CNTNAP2: variants seen among roughly 807,000 people sequenced by gnomAD.
CNTNAP2 encodes contactin associated protein 2.
A neutral mutation model predicts 155.2 loss-of-function variants in CNTNAP2; 98 were observed. The observed-to-expected ratio is 0.63, with a 90% CI of 0.54 to 0.75. The LOEUF is 0.75. CNTNAP2 is among the 30% of genes least tolerant of loss of function. CNTNAP2 has a pLI of 0.00. For synonymous variants in CNTNAP2, 651 were observed against 631.2 expected (o/e 1.03, Z -0.47); for missense variants, 1,727 against 1,688.1 (o/e 1.02, Z -0.40).
intron 4 of CNTNAP2, among the ~76,000 whole-genome samples, chr7:147,072,055 A>G (rs1217275945): frequency 6.6e-6 from 1 of 152,126 alleles, no homozygotes; most frequent in East Asian, 1.9e-4. Flanking sequence ...TCTCAAGGTA[A>G]TAGAAGCCAA....
Position 147,956,077 on chromosome 7 carries a change from G to C in CNTNAP2, c.2256-21785G>C, listed in dbSNP as rs1269201979. On this transcript the variant is annotated intron_variant, in intron 14 of 23. Coordinates refer to ENST00000361727, the MANE Select transcript of CNTNAP2 (RefSeq NM_014141.6). ...CTTAGCCTACTTAGCTACTTGCTTT[G>C]CTCATATATACCAGTTCTTTCAACT... 2.0e-5 allele frequency among the ~76,000 whole-genome samples: 3 copies of C among 152,096 alleles called. No homozygotes were observed. The East Asian group carries it at 5.8e-4, about 29-fold the overall frequency.
intron 1 of CNTNAP2, among the ~76,000 whole-genome samples, chr7:146,587,051 A>G (rs1798703559): frequency 6.6e-6 from 1 of 151,762 alleles, no homozygotes; most frequent in South Asian, 2.1e-4. Flanking sequence ...TTTTTTAACA[A>G]ACTCATTGCT....
rs575621795 is a variant in CNTNAP2 at position 147,285,546 on chromosome 7, G to C, written c.1349-14595G>C. Among the ~76,000 whole-genome samples, 6 of 151,906 alleles carry C rather than the reference G, an allele frequency of 3.9e-5. No homozygotes were observed. In the East Asian group the frequency reaches 1.2e-3, roughly 29 times the overall value. On this transcript the variant is annotated intron_variant, in intron 8 of 23. Coordinates refer to ENST00000361727, the MANE Select transcript of CNTNAP2 (RefSeq NM_014141.6). The stretch of plus-strand genomic sequence containing the variant: ...GAAAATTGATTCAAGAATTAACCTT[G>C]TCTAAATTGTCATTATTTTCATTTT...
At chr7:148,394,671 A>C (rs1799427593) in intron 22 of CNTNAP2, among the ~76,000 whole-genome samples, 1 of 152,202 alleles carries the variant, frequency 6.6e-6, no homozygotes. Flanking sequence ...TGTCATCCAG[A>C]TTTTAATGTG....
chr7:146,332,937 T>C lies in CNTNAP2; in HGVS notation c.97+215964T>C, dbSNP rs980270553. Among the ~76,000 whole-genome samples, 6 of 142,940 alleles carry C rather than the reference T, an allele frequency of 4.2e-5. No individual in the cohort carries two copies. In the Admixed American group the frequency reaches 4.5e-4, roughly 11 times the overall value. The allele number at this position is 142,940 out of a possible 152,430, so 93.8% of individuals were successfully genotyped here. On this transcript the variant is annotated intron_variant, in intron 1 of 23. Coordinates refer to ENST00000361727, the MANE Select transcript of CNTNAP2 (RefSeq NM_014141.6). Reference sequence around the variant, plus strand: ...GGGCAATTTCTTCTTCTTTTTCTTCTTCTATTTTTTTTTTTTTTTTTTTTT... The same window carrying C: ...GGGCAATTTCTTCTTCTTTTTCTTCCTCTATTTTTTTTTTTTTTTTTTTTT...
At chr7:147,821,639 G>T (rs1798362643) in intron 13 of CNTNAP2, among the ~76,000 whole-genome samples, 1 of 152,136 alleles carries the variant, frequency 6.6e-6, no homozygotes, top group African/African-American at 2.4e-5. Flanking sequence ...AGGATTCAGA[G>T]ATGTGAAGAA....
intron 15 of CNTNAP2, among the ~76,000 whole-genome samples, chr7:148,020,310 CAA>C (rs1802257719): frequency 6.6e-6 from 1 of 152,134 alleles, no homozygotes; most frequent in African/African-American, 2.4e-5. Flanking sequence ...ATACTGGAAA[CAA>C]AGAAAAACAA....
Position 147,867,593 on chromosome 7 carries a change from C to T in CNTNAP2, c.2099-35972C>T, listed in dbSNP as rs192394607. Reference sequence around the variant, plus strand: ...ATTACTTTTAGGTACACCAATCAAACGTAGATTTGGTCTTTTCACATAGTC... The same window carrying T: ...ATTACTTTTAGGTACACCAATCAAATGTAGATTTGGTCTTTTCACATAGTC... On this transcript the variant is annotated intron_variant, in intron 13 of 23. Transcript: ENST00000361727. Among the ~76,000 whole-genome samples the T allele has an allele frequency of 3.3e-5, 5 of 152,264 alleles. No homozygotes were observed. In the South Asian group the frequency reaches 8.3e-4, roughly 25 times the overall value.
intron 3 of CNTNAP2, among the ~76,000 whole-genome samples, chr7:146,994,905 A>G (rs370979713): frequency 8.2e-4 from 125 of 152,168 alleles, no homozygotes; most frequent in African/African-American, 2.9e-3. Context: ...CATGATTATT[A>G]TCTATGGTTG....
chr7:147,453,198 G>A (rs1797862776), intron 10 of CNTNAP2, among the ~76,000 whole-genome samples: 1 of 152,060 alleles, frequency 6.6e-6, no homozygotes, highest in Non-Finnish European at 1.5e-5. Context: ...AGGTCTCATA[G>A]CTGCCTATTT....
intron 1 of CNTNAP2, among the ~76,000 whole-genome samples, chr7:146,246,698 G>A (rs1799664116): frequency 6.6e-6 from 1 of 152,102 alleles, no homozygotes; most frequent in Non-Finnish European, 1.5e-5. Context: ...CCTTCGGCCA[G>A]AGTTCCAGGG....
rs74840996 is a variant in CNTNAP2, at chr7:147,417,714, A to G, written c.1670+21934A>G. ...TGATGATGGTGAGTTTAAATGGATC[A>G]AAATTATTGTTCCTTAAAAGCAACA... is the stretch of plus-strand genomic sequence containing the variant. On this transcript the variant is annotated intron_variant, in intron 10 of 23. Coordinates refer to ENST00000361727, the MANE Select transcript of CNTNAP2 (RefSeq NM_014141.6). 8.6e-3 allele frequency among the ~76,000 whole-genome samples: 1,309 copies of G among 152,326 alleles called. 21 individuals carry two copies. The highest frequency in any genetic ancestry group is 0.03 in the African/African-American group (1,251 of 41,572).
At chr7:147,174,745 T>A (rs1480979514) in intron 8 of CNTNAP2, among the ~76,000 whole-genome samples, 1 of 152,142 alleles carries the variant, frequency 6.6e-6, no homozygotes, top group Admixed American at 6.5e-5. Context: ...ATTTTTGTGA[T>A]ACATCAAGAG....
intron 3 of CNTNAP2, among the ~76,000 whole-genome samples, chr7:146,955,027 G>A (rs1797403784): frequency 1.3e-5 from 2 of 151,938 alleles, no homozygotes; most frequent in Non-Finnish European, 2.9e-5. Context: ...TTTGTGTTTG[G>A]AACTGTCACC....
At chr7:146,370,995 G>C (rs1239426113) in intron 1 of CNTNAP2, among the ~76,000 whole-genome samples, 1 of 151,992 alleles carries the variant, frequency 6.6e-6, no homozygotes, top group African/African-American at 2.4e-5. Flanking sequence ...GTTTGTATAT[G>C]ATAGCTAAGA....
At chr7:146,702,242 G>C (rs922450936) in intron 1 of CNTNAP2, among the ~76,000 whole-genome samples, 2 of 152,064 alleles carry the variant, frequency 1.3e-5, no homozygotes, top group African/African-American at 2.4e-5. Flanking sequence ...AAAAAATTAA[G>C]TAGTTTTATT....
Position 148,109,822 on chromosome 7 carries a change from TTTTAA to T in CNTNAP2, c.2384-8291_2384-8287del, listed in dbSNP as rs143893290. Among the ~76,000 whole-genome samples, 448 of 152,348 alleles carry T rather than the reference TTTTAA, an allele frequency of 2.9e-3. 4 individuals are homozygous for T. The highest frequency in any genetic ancestry group is 9.7e-3 in the African/African-American group (402 of 41,572). ...TCTAAAGACATAAGTGACTCACTTC[TTTTAA>T]TTTATAACTAAGATCTGAGTCCTGA... is the stretch of plus-strand genomic sequence containing the variant. On this transcript the variant is annotated intron_variant, in intron 15 of 23. Coordinates refer to ENST00000361727, the MANE Select transcript of CNTNAP2 (RefSeq NM_014141.6).
intron 1 of CNTNAP2, among the ~76,000 whole-genome samples, chr7:146,284,304 C>T (rs1467232200): frequency 1.3e-5 from 2 of 152,060 alleles, no homozygotes; most frequent in African/African-American, 2.4e-5. Flanking sequence ...ATGATTTCAC[C>T]TGGTGGCTAA....
chr7:147,525,370 T>A (rs530311159), intron 11 of CNTNAP2, among the ~76,000 whole-genome samples: 1 of 152,224 alleles, frequency 6.6e-6, no homozygotes, highest in Non-Finnish European at 1.5e-5. Context: ...TAAATCATAT[T>A]ATAAGTGGGC....
Sources: gnomAD v4.1 joint callset for allele counts (sites outside exome capture counted in the v4.1 genomes callset) on GRCh38, gnomAD v4.1.1 for gene constraint, MANE v1.5 for transcripts, NCBI Gene and HGNC (gene_info 2026-07-23, HGNC 2026-07-21) for gene names.